The following CDC73 variants were observed in gnomAD, a reference collection of about 807,000 sequenced individuals.
The protein encoded by CDC73 is cell division cycle 73.
In CDC73, 21 loss-of-function variants were observed where a neutral mutation model predicts 83.7. The ratio of observed to expected loss-of-function variants is 0.25; its 90% CI spans 0.18 to 0.36. CDC73 has a LOEUF of 0.36. CDC73 is among the 10% of genes least tolerant of loss of function. The pLI is 1.00. For missense variants in CDC73, 342 were observed against 653.3 expected (o/e 0.52, Z 5.19); for synonymous variants, 224 against 212.9 (o/e 1.05, Z -0.45).
At chr1:193,163,276 C>T (rs148066346) in intron 10 of CDC73, among the ~76,000 whole-genome samples, 3,218 of 151,470 alleles carry the variant, frequency 0.021, 110 homozygotes, top group African/African-American at 0.074. Context: ...GAGGCTGAGG[C>T]GGGTGGATTC....
intron 15 of CDC73, among the ~76,000 whole-genome samples, chr1:193,238,621 A>C (rs539698711): frequency 6.6e-6 from 1 of 152,200 alleles, no homozygotes; most frequent in Non-Finnish European, 1.5e-5. Context: ...ATAACTTTTG[A>C]CTTATCCCAA....
Position 193,251,182 on chromosome 1 carries a change from A to G in CDC73, c.*470A>G. 4.1e-6 allele frequency: 1 copy of G among 244,020 alleles called. No homozygotes were observed. Among genetic ancestry groups the G allele is most frequent in the Admixed American group, 5.1e-5 (1 of 19,470 alleles). The allele number at this position is 244,020 out of a possible 1,614,324, so 15.1% of individuals were successfully genotyped here. A position where few individuals can be genotyped will look rare whatever the true frequency, so the allele number is the denominator to read the frequency against. ...CTATTTTGAATGAATCAGAATGTCA[A>G]CTTGTATGTACACTATATCTACACT... On this transcript the variant is annotated 3_prime_UTR_variant, in exon 17 of 17. Transcript: ENST00000367435.
At chr1:193,166,651 CTT>C (rs1222917697) in intron 10 of CDC73, among the ~76,000 whole-genome samples, 27 of 139,056 alleles carry the variant, frequency 1.9e-4, no homozygotes, top group Admixed American at 2.9e-4. Flanking sequence ...CACTTTTTTT[CTT>C]TTTTTTTTTT....
At position 193,204,243 on chromosome 1, in the gene CDC73, ATATATGTG is replaced by A. The variant is rs1572196942; in HGVS notation, c.1030+395_1030+402del. Among the ~76,000 whole-genome samples, 7 of 136,616 alleles carry A rather than the reference ATATATGTG, an allele frequency of 5.1e-5. No individual in the cohort carries two copies. In the East Asian group the frequency reaches 8.4e-4, roughly 16 times the overall value. 89.6% of individuals were successfully genotyped at this position (136,616 alleles called of 152,430 possible). A position where few individuals can be genotyped will look rare whatever the true frequency, so the allele number is the denominator to read the frequency against. The stretch of plus-strand genomic sequence containing the variant: ...TATATATATGTATATATACACGTAT[ATATATGTG>A]TATGTGTGTGTGTGTGTGTGTGTGT... On this transcript the variant is annotated intron_variant, in intron 11 of 16. Coordinates refer to ENST00000367435, the MANE Select transcript of CDC73 (RefSeq NM_024529.5).
At chr1:193,234,543 T>C (rs1045304114) in intron 14 of CDC73, among the ~76,000 whole-genome samples, 2 of 151,826 alleles carry the variant, frequency 1.3e-5, no homozygotes, top group Non-Finnish European at 2.9e-5. Flanking sequence ...TGCTGTAAAA[T>C]ACTGCTTGTG....
chr1:193,178,067 A>G (rs899527781), intron 10 of CDC73, among the ~76,000 whole-genome samples: 5 of 152,196 alleles, frequency 3.3e-5, no homozygotes, highest in Non-Finnish European at 7.4e-5. Flanking sequence ...AAGAAGACAC[A>G]GTTAACAAGT....
At chr1:193,226,657 T>C (rs1319886518) in intron 13 of CDC73, among the ~76,000 whole-genome samples, 1 of 152,226 alleles carries the variant, frequency 6.6e-6, no homozygotes, top group Non-Finnish European at 1.5e-5. Flanking sequence ...CCCTGCATCC[T>C]TGGTATGAAA....
At chr1:193,141,286 T>C (rs1312886646) in intron 6 of CDC73, 1 of 152,448 alleles carries the variant, frequency 6.6e-6, no homozygotes, top group Non-Finnish European at 1.5e-5. Flanking sequence ...ATTTTGCCTA[T>C]TTGAAAATCA....
rs1271688720 is a variant in CDC73, at chr1:193,252,648, C to T, written c.*1936C>T. On this transcript the variant is annotated 3_prime_UTR_variant, in exon 17 of 17. Transcript: ENST00000367435. ...ATAACCATCTATCTTAAAATCAGAC[C>T]CTTAGTATAAGCACCTCTTTTTCTT... is the stretch of plus-strand genomic sequence containing the variant. 1 of 231,162 alleles carries T rather than the reference C, an allele frequency of 4.3e-6. No homozygotes were observed. Among genetic ancestry groups the T allele is most frequent in the Non-Finnish European group, 8.6e-6 (1 of 116,824 alleles). 14.3% of individuals were successfully genotyped at this position (231,162 alleles called of 1,614,324 possible).
At chr1:193,159,143 G>T (rs142921095) in intron 10 of CDC73, among the ~76,000 whole-genome samples, 76 of 152,188 alleles carry the variant, frequency 5.0e-4, no homozygotes, top group African/African-American at 1.5e-3. Context: ...GACGGGGGCA[G>T]ATAATGTTCT....
rs746289694 is a variant in CDC73 at position 193,249,885 on chromosome 1, T to C, written c.1559+14T>C. On this transcript the variant is annotated intron_variant, in intron 16 of 16. Coordinates refer to ENST00000367435, the MANE Select transcript of CDC73 (RefSeq NM_024529.5). ...AACATTGGACAGGTAATTCCGATTCTAAAATATGCTTGTGTGTGTTTTATT... is the reference window on the plus strand; with the variant it reads ...AACATTGGACAGGTAATTCCGATTCCAAAATATGCTTGTGTGTGTTTTATT... 9.3e-6 allele frequency: 15 copies of C among 1,610,882 alleles called. No individual in the cohort carries two copies. Among genetic ancestry groups the C allele is most frequent in the Non-Finnish European group, 1.2e-5 (14 of 1,177,374 alleles).
chr1:193,251,103 A>G lies in CDC73; in HGVS notation c.*391A>G, dbSNP rs1350785160. 3.8e-6 allele frequency: 1 copy of G among 265,358 alleles called. No homozygotes were observed. Among genetic ancestry groups the G allele is most frequent in the Non-Finnish European group, 7.3e-6 (1 of 137,516 alleles). 16.4% of individuals were successfully genotyped at this position (265,358 alleles called of 1,614,324 possible). ...TTTTTACTGAAAATACTATGTTATG[A>G]ATGGTATTAAATTTTAGTCTCTGGA... On this transcript the variant is annotated 3_prime_UTR_variant, in exon 17 of 17. Transcript: ENST00000367435.
chr1:193,185,693 A>T (rs940785309), intron 10 of CDC73, among the ~76,000 whole-genome samples: 4 of 152,076 alleles, frequency 2.6e-5, no homozygotes, highest in African/African-American at 9.7e-5. Flanking sequence ...AATTTGATAG[A>T]ATATTGCTGT....
chr1:193,217,184 A>G (rs529314460), intron 13 of CDC73, among the ~76,000 whole-genome samples: 1 of 152,198 alleles, frequency 6.6e-6, no homozygotes, highest in African/African-American at 2.4e-5. Flanking sequence ...ACCGACGGGC[A>G]GGCTGTGGAG....
intron 10 of CDC73, among the ~76,000 whole-genome samples, chr1:193,160,384 G>A (rs1676288219): frequency 6.6e-6 from 1 of 151,782 alleles, no homozygotes; most frequent in Admixed American, 6.6e-5. Flanking sequence ...TGTAAGAATA[G>A]GAAACACAGA....
chr1:193,251,688 A>T lies in CDC73; in HGVS notation c.*976A>T. Reference sequence around the variant, plus strand: ...AATTGTCTGAAAAGAAACAAGAGAAAAACACTGGTATTTTTATGTCTGTAT... The same window carrying T: ...AATTGTCTGAAAAGAAACAAGAGAATAACACTGGTATTTTTATGTCTGTAT... On this transcript the variant is annotated 3_prime_UTR_variant, in exon 17 of 17. Transcript: ENST00000367435. 4.3e-6 allele frequency: 1 copy of T among 232,260 alleles called. No individual in the cohort carries two copies. The highest frequency in any genetic ancestry group is 8.5e-6 in the Non-Finnish European group (1 of 117,094). 14.4% of individuals were successfully genotyped at this position (232,260 alleles called of 1,614,324 possible).
chr1:193,248,673 T>TGA (rs1677993474), intron 15 of CDC73, among the ~76,000 whole-genome samples: 4 of 152,012 alleles, frequency 2.6e-5, no homozygotes, highest in Non-Finnish European at 5.9e-5. Context: ...AAGAAGTTGA[T>TGA]TCCTACCTTC....
chr1:193,201,931 CA>C (rs201604582), intron 10 of CDC73, among the ~76,000 whole-genome samples: 3 of 148,884 alleles, frequency 2.0e-5, no homozygotes, highest in African/African-American at 7.4e-5. Flanking sequence ...CACTCTATTC[CA>C]AAAAAAAAGA....
At chr1:193,122,581 C>T (rs1675474447) in intron 1 of CDC73, 2 of 479,698 alleles carry the variant, frequency 4.2e-6, no homozygotes, top group African/African-American at 1.9e-5. Flanking sequence ...GAGTTTCTGA[C>T]TTTTACAGTT....
Sources: gnomAD v4.1 joint callset for allele counts (sites outside exome capture counted in the v4.1 genomes callset) on GRCh38, gnomAD v4.1.1 for gene constraint, MANE v1.5 for transcripts, NCBI Gene and HGNC (gene_info 2026-07-23, HGNC 2026-07-21) for gene names.